The following SCARA5 variants were observed in gnomAD, a reference collection of about 807,000 sequenced individuals.
SCARA5 encodes scavenger receptor class A member 5, also known as scavenger receptor class A, member 5 (putative).
SCARA5 carries 45 observed loss-of-function variants against 46.3 expected under a neutral mutation model. The ratio of observed to expected loss-of-function variants is 0.97; its 90% confidence interval spans 0.76 to 1.24. SCARA5 has a LOEUF of 1.24. SCARA5 is among the 50% of genes most tolerant of loss of function. The pLI is 0.00. For missense variants in SCARA5, 680 were observed against 689.0 expected (o/e 0.99, Z 0.15); for synonymous variants, 333 against 306.5 (o/e 1.09, Z -0.90).
At position 27,872,072 on chromosome 8, in the gene SCARA5, T is replaced by C. The variant is rs1212597734; in HGVS notation, c.1352-2A>G. On this transcript the variant is annotated splice_acceptor_variant, in intron 8 of 8. Transcript: ENST00000354914. LOFTEE classifies it high-confidence loss of function. The stretch of plus-strand genomic sequence containing the variant: ...CATCCATCCAGATCCTCCCAGTGCC[T>C]GTGGAGACAGGGAAACACAGCTATA... 9 of 1,614,010 alleles carry C rather than the reference T, an allele frequency of 5.6e-6. No individual in the cohort carries two copies. Among genetic ancestry groups the C allele is most frequent in the Non-Finnish European group, 5.9e-6 (7 of 1,179,978 alleles).
At chr8:27,946,434 A>AT (rs1211225873) in intron 3 of SCARA5, among the ~76,000 whole-genome samples, 8 of 152,238 alleles carry the variant, frequency 5.3e-5, no homozygotes, top group Non-Finnish European at 1.2e-4. Context: ...GACCTCCTGT[A>AT]TTTGCTGGTT....
At chr8:27,913,511 C>G (rs952970993) in intron 4 of SCARA5, among the ~76,000 whole-genome samples, 2 of 152,220 alleles carry the variant, frequency 1.3e-5, no homozygotes, top group Non-Finnish European at 2.9e-5. Flanking sequence ...TTTCCTGTCC[C>G]CCTTTTGCAT....
intron 7 of SCARA5, 150 bp downstream of exon 7, chr8:27,904,628 C>T: frequency 1.3e-6 from 1 of 767,240 alleles, no homozygotes; most frequent in South Asian, 1.4e-5. Context: ...GCTAGACCAG[C>T]AGAGCCCTAA....
intron 7 of SCARA5, among the ~76,000 whole-genome samples, chr8:27,880,120 G>A (rs779322942): frequency 7.3e-5 from 11 of 150,224 alleles, no homozygotes; most frequent in Admixed American, 2.0e-4. Flanking sequence ...AATAAATGGC[G>A]CTGGGATAGT....
intron 8 of SCARA5, among the ~76,000 whole-genome samples, chr8:27,874,663 C>T (rs548052473): frequency 1.3e-5 from 2 of 152,286 alleles, no homozygotes; most frequent in East Asian, 3.9e-4. Context: ...AAGCTGTCTC[C>T]CAATATTTGA....
At chr8:27,877,220 A>C (rs56714733) in intron 8 of SCARA5, among the ~76,000 whole-genome samples, 4,265 of 152,282 alleles carry the variant, frequency 0.028, 183 homozygotes, top group African/African-American at 0.096. Flanking sequence ...AGCCCTCTGT[A>C]TACTGCTAGT....
chr8:27,934,725 G>A (rs777080777), intron 3 of SCARA5, among the ~76,000 whole-genome samples: 4 of 152,214 alleles, frequency 2.6e-5, no homozygotes, highest in Non-Finnish European at 5.9e-5. Context: ...GTGGAGCAGT[G>A]GCATGAACCC....
intron 3 of SCARA5, among the ~76,000 whole-genome samples, chr8:27,959,682 G>C (rs532069243): frequency 1.3e-5 from 2 of 152,358 alleles, no homozygotes; most frequent in South Asian, 4.1e-4. Context: ...GTTATGATAT[G>C]ATTTGTTCCG....
At chr8:27,918,162 T>C (rs1222623521) in intron 4 of SCARA5, among the ~76,000 whole-genome samples, 2 of 152,200 alleles carry the variant, frequency 1.3e-5, no homozygotes, top group Non-Finnish European at 2.9e-5. Flanking sequence ...AAAGGGGGTA[T>C]TTCATGGCAT....
chr8:27,882,448 C>T, intron 7 of SCARA5, among the ~76,000 whole-genome samples: 1 of 152,158 alleles, frequency 6.6e-6, no homozygotes, highest in African/African-American at 2.4e-5. Flanking sequence ...CTGTTTGAGA[C>T]CCGGTGACCA....
At chr8:27,888,741 A>C (rs1563513466) in intron 7 of SCARA5, among the ~76,000 whole-genome samples, 1 of 151,960 alleles carries the variant, frequency 6.6e-6, no homozygotes, top group Non-Finnish European at 1.5e-5. Flanking sequence ...CCCTGTGACC[A>C]AGGTTCTTCC....
At chr8:27,889,727 T>C (rs1418662984) in intron 7 of SCARA5, among the ~76,000 whole-genome samples, 4 of 152,240 alleles carry the variant, frequency 2.6e-5, no homozygotes, top group Admixed American at 1.3e-4. Context: ...TGGTTTCTCC[T>C]GAGTCTTATG....
intron 2 of SCARA5, among the ~76,000 whole-genome samples, chr8:27,986,863 G>A (rs1808712893): frequency 6.6e-6 from 1 of 152,196 alleles, no homozygotes; most frequent in South Asian, 2.1e-4. Flanking sequence ...TCTGACATGT[G>A]CTGCATGCAG....
intron 7 of SCARA5, 76 bp from the exon 8 acceptor site, chr8:27,879,842 G>T: frequency 7.1e-7 from 1 of 1,413,348 alleles, no homozygotes; most frequent in Non-Finnish European, 9.8e-7. Flanking sequence ...CTTTGACTCC[G>T]CCTACCCCTG....
intron 7 of SCARA5, among the ~76,000 whole-genome samples, chr8:27,901,025 G>A (rs1455972581): frequency 1.3e-5 from 2 of 151,984 alleles, no homozygotes; most frequent in African/African-American, 4.8e-5. Flanking sequence ...GCGAGAGAGA[G>A]GAATGGGTCT....
At chr8:27,930,263 G>A (rs1460758607) in intron 3 of SCARA5, among the ~76,000 whole-genome samples, 1 of 152,162 alleles carries the variant, frequency 6.6e-6, no homozygotes. Flanking sequence ...CAGTGAATAA[G>A]TCTCACGAGA....
chr8:27,960,126 A>T (rs1808271809), intron 3 of SCARA5, among the ~76,000 whole-genome samples: 1 of 152,126 alleles, frequency 6.6e-6, no homozygotes, highest in Non-Finnish European at 1.5e-5. Context: ...CTATTCTGAA[A>T]GCAAACTGTC....
chr8:27,871,691 CCT>C lies in SCARA5; in HGVS notation c.*241_*242del. The C allele has an allele frequency of 7.2e-7, 1 of 1,380,500 alleles. No individual in the cohort carries two copies. Among genetic ancestry groups the C allele is most frequent in the Non-Finnish European group, 9.4e-7 (1 of 1,066,482 alleles). The allele number at this position is 1,380,500 out of a possible 1,614,324, so 85.5% of individuals were successfully genotyped here. A position where few individuals can be genotyped will look rare whatever the true frequency, so the allele number is the denominator to read the frequency against. ...AGTGGTGATCCAGTTGATCAGGGCT[CCT>C]CATGCAGGAACCTGGTGGAAGAGAG... On this transcript the variant is annotated 3_prime_UTR_variant, in exon 9 of 9. Coordinates refer to ENST00000354914, the MANE Select transcript of SCARA5 (RefSeq NM_173833.6).
chr8:27,876,530 C>T (rs1328314779), intron 8 of SCARA5, among the ~76,000 whole-genome samples: 10 of 152,014 alleles, frequency 6.6e-5, no homozygotes, highest in South Asian at 2.1e-4. Flanking sequence ...ACTGGTAGGA[C>T]GGTTCTGGTG....
Sources: gnomAD v4.1 joint callset for allele counts (sites outside exome capture counted in the v4.1 genomes callset) on GRCh38, gnomAD v4.1.1 for gene constraint, MANE v1.5 for transcripts, NCBI Gene and HGNC (gene_info 2026-07-23, HGNC 2026-07-21) for gene names.